GLCCI1: variants seen among roughly 807,000 people sequenced by gnomAD.
GLCCI1 encodes the protein glucocorticoid-induced transcript 1 protein.
A neutral mutation model predicts 52.2 loss-of-function variants in GLCCI1; 24 were observed. The ratio of observed to expected loss-of-function variants is 0.46; its 90% CI spans 0.33 to 0.65. The LOEUF (loss-of-function observed/expected upper bound fraction) is 0.65. Among genes scored for constraint, GLCCI1 ranks in the 30% least tolerant of loss-of-function variants. The pLI is 0.02. For missense variants in GLCCI1, 704 were observed against 701.5 expected (o/e 1.00, Z -0.04); for synonymous variants, 310 against 276.5 (o/e 1.12, Z -1.20).
In GLCCI1 at chr7:8,087,144, T is replaced by C. The variant is rs1328069563; in HGVS notation, c.*606T>C. On this transcript the variant is annotated 3_prime_UTR_variant, in exon 8 of 8. Transcript: ENST00000223145. The stretch of plus-strand genomic sequence containing the variant: ...AAAAGCTAAAGAGGGAACATCACTC[T>C]TTTGCCTTTCCTTATTTTATGCATT... 1 of 152,678 alleles carries C rather than the reference T, an allele frequency of 6.5e-6. No individual in the cohort carries two copies. 9.5% of individuals were successfully genotyped at this position (152,678 alleles called of 1,614,324 possible).
chr7:8,078,682 A>G (rs1243773310), intron 6 of GLCCI1: 1 of 152,166 alleles, frequency 6.6e-6, no homozygotes, highest in African/African-American at 2.4e-5. Context: ...TAGCAAGGTC[A>G]GAGGAACTGG....
chr7:7,981,851 AC>A (rs1304799911), intron 1 of GLCCI1: 1 of 440,596 alleles, frequency 2.3e-6, no homozygotes, highest in Non-Finnish European at 4.5e-6. Flanking sequence ...ATAATGTTGT[AC>A]TAGATGAGCA....
intron 6 of GLCCI1, among the ~76,000 whole-genome samples, chr7:8,072,257 TC>T (rs1239507804): frequency 2.0e-5 from 3 of 152,222 alleles, no homozygotes; most frequent in Non-Finnish European, 2.9e-5. Flanking sequence ...GTGTCTGACT[TC>T]TTTTACTTAT....
At chr7:7,974,568 A>G (rs1316064809) in intron 1 of GLCCI1, among the ~76,000 whole-genome samples, 1 of 152,204 alleles carries the variant, frequency 6.6e-6, no homozygotes, top group Non-Finnish European at 1.5e-5. Flanking sequence ...AAGTCAGACT[A>G]CATGTGAATA....
chr7:8,069,361 T>C (rs564970716), intron 5 of GLCCI1, among the ~76,000 whole-genome samples: 166 of 152,198 alleles, frequency 1.1e-3, no homozygotes, highest in African/African-American at 3.9e-3. Flanking sequence ...GAGGTGTGGT[T>C]AAAGCACTCT....
At position 8,004,268 on chromosome 7, in the gene GLCCI1, A is replaced by T. The variant is rs193180769; in HGVS notation, c.609+209A>T. On this transcript the variant is annotated intron_variant, in intron 2 of 7. Transcript: ENST00000223145. ...AGTTTTGAAATTCTTTAATACTTAA[A>T]TAGCACATCAGTCTATATTACATGG... 3 of 489,912 alleles carry T rather than the reference A, an allele frequency of 6.1e-6. No individual in the cohort carries two copies. In the South Asian group the frequency reaches 9.8e-5, roughly 16 times the overall value. 30.3% of individuals were successfully genotyped at this position (489,912 alleles called of 1,614,324 possible).
At chr7:7,980,898 C>T (rs1780599863) in intron 1 of GLCCI1, 1 of 629,188 alleles carries the variant, frequency 1.6e-6, no homozygotes, top group Non-Finnish European at 2.9e-6. Context: ...ATTTTGATGA[C>T]ATTCCTGATT....
At chr7:8,050,625 T>A (rs910220122) in intron 3 of GLCCI1, among the ~76,000 whole-genome samples, 2 of 152,214 alleles carry the variant, frequency 1.3e-5, no homozygotes, top group Non-Finnish European at 2.9e-5. Flanking sequence ...CTTCAGTGAT[T>A]GTTTTAGGGA....
chr7:8,021,098 T>G lies in GLCCI1; in HGVS notation c.610-1385T>G, dbSNP rs565277090. On this transcript the variant is annotated intron_variant, in intron 2 of 7. Transcript: ENST00000223145. ...CAGTTTATTTTTGTGTTTATTCAGCTAGCATTCAGTTGTTAACGGTTTTTT... is the reference window on the plus strand; with the variant it reads ...CAGTTTATTTTTGTGTTTATTCAGCGAGCATTCAGTTGTTAACGGTTTTTT... Among the ~76,000 whole-genome samples the G allele has an allele frequency of 3.9e-5, 6 of 152,348 alleles. No homozygotes were observed. The South Asian group carries it at 1.2e-3, about 32-fold the overall frequency.
intron 3 of GLCCI1, among the ~76,000 whole-genome samples, chr7:8,038,523 A>G (rs1318386388): frequency 6.6e-6 from 1 of 152,246 alleles, no homozygotes; most frequent in African/African-American, 2.4e-5. Flanking sequence ...TCTTTTGAAT[A>G]AATGGTCCTG....
At chr7:8,005,492 C>T (rs1470145882) in intron 2 of GLCCI1, among the ~76,000 whole-genome samples, 1 of 152,088 alleles carries the variant, frequency 6.6e-6, no homozygotes, top group East Asian at 1.9e-4. Context: ...TGCAACATTA[C>T]ACAGATGGAA....
intron 1 of GLCCI1, among the ~76,000 whole-genome samples, chr7:7,976,057 A>C (rs551010875): frequency 2.0e-5 from 3 of 152,234 alleles, no homozygotes; most frequent in Non-Finnish European, 2.9e-5. Flanking sequence ...AGGTTGATTC[A>C]GCCCTCCCAA....
intron 2 of GLCCI1, among the ~76,000 whole-genome samples, chr7:8,017,161 T>C (rs1781395759): frequency 6.6e-6 from 1 of 152,232 alleles, no homozygotes; most frequent in South Asian, 2.1e-4. Flanking sequence ...TACTTAGTTA[T>C]CCTATTGGTG....
chr7:8,073,883 C>A (rs1303989344), intron 6 of GLCCI1, among the ~76,000 whole-genome samples: 1 of 152,136 alleles, frequency 6.6e-6, no homozygotes, highest in Non-Finnish European at 1.5e-5. Flanking sequence ...TGATTAAGAT[C>A]AAGTTGATGT....
chr7:8,069,613 G>A (rs1782708870), intron 5 of GLCCI1, among the ~76,000 whole-genome samples: 1 of 152,164 alleles, frequency 6.6e-6, no homozygotes. Flanking sequence ...TGTATGGTGA[G>A]TATGTCATGC....
At chr7:7,998,123 A>C (rs1195707151) in intron 1 of GLCCI1, among the ~76,000 whole-genome samples, 2 of 151,494 alleles carry the variant, frequency 1.3e-5, no homozygotes, top group Admixed American at 1.3e-4. Flanking sequence ...ATTTTGTAAG[A>C]GAACCTACTT....
chr7:7,996,989 A>T (rs561675096), intron 1 of GLCCI1, among the ~76,000 whole-genome samples: 2 of 152,202 alleles, frequency 1.3e-5, no homozygotes, highest in Admixed American at 6.5e-5. Flanking sequence ...TGGTGATTTT[A>T]TTTTACGTGG....
rs76278675 is a variant in GLCCI1 at position 8,030,373 on chromosome 7, A to G, written c.696+7804A>G. ...AAACCTGACTCCTTTTTTTCACCTT[A>G]TACAAAAATAAAATCAAGATGGATT... is the stretch of plus-strand genomic sequence containing the variant. On this transcript the variant is annotated intron_variant, in intron 3 of 7. Coordinates refer to ENST00000223145, the MANE Select transcript of GLCCI1 (RefSeq NM_138426.4). Among the ~76,000 whole-genome samples the G allele has an allele frequency of 4.7e-4, 72 of 152,282 alleles. 2 individuals carry two copies. In the East Asian group the frequency reaches 0.013, roughly 29 times the overall value.
intron 3 of GLCCI1, among the ~76,000 whole-genome samples, chr7:8,039,544 A>G (rs759492166): frequency 1.3e-5 from 2 of 152,252 alleles, no homozygotes; most frequent in African/African-American, 4.8e-5. Flanking sequence ...GAAGCAGTCA[A>G]ATATTACATA....
Sources: gnomAD v4.1 joint callset for allele counts (sites outside exome capture counted in the v4.1 genomes callset) on GRCh38, gnomAD v4.1.1 for gene constraint, MANE v1.5 for transcripts, NCBI Gene and HGNC (gene_info 2026-07-23, HGNC 2026-07-21) for gene names.